The following SRPX variants were observed in gnomAD, a reference collection of about 807,000 sequenced individuals.
SRPX encodes the protein sushi repeat containing protein X-linked.
In SRPX, 24 loss-of-function variants were observed where a neutral mutation model predicts 38.1. The observed-to-expected ratio is 0.63, with a 90% CI of 0.46 to 0.89. The LOEUF is 0.89. Among genes scored for constraint, SRPX ranks in the 40% least tolerant of loss-of-function variants. The pLI, the probability that SRPX is intolerant of heterozygous loss-of-function variation, is 0.00. For missense variants in SRPX, 416 were observed against 377.8 expected, an observed-to-expected ratio of 1.10 and a Z score of -0.84; for synonymous variants, 184 against 153.8, an observed-to-expected ratio of 1.20 and a Z score of -1.45.
intron 9 of SRPX, among the ~76,000 whole-genome samples, chrX:38,152,691 AC>A (rs1376305328): frequency 1.8e-5 from 2 of 112,569 alleles, no homozygotes; most frequent in African/African-American, 6.5e-5. Flanking sequence ...TTTTTTAATC[AC>A]ATTTTTCTGT....
In SRPX at chrX:38,220,722, CGCA is replaced by C. The variant is rs35523939; in HGVS notation, c.68_70del (p.Leu23del). The C allele has an allele frequency of 0.27, 294,731 of 1,094,581 alleles. 27,385 individuals carry two copies. Among genetic ancestry groups the C allele is most frequent in the Non-Finnish European group, 0.29 (243,724 of 829,592 alleles). 90.2% of individuals were successfully genotyped at this position (1,094,581 alleles called of 1,213,427 possible). A position where few individuals can be genotyped will look rare whatever the true frequency, so the allele number is the denominator to read the frequency against. On this transcript the variant is annotated inframe_deletion, in exon 1 of 10. Transcript: ENST00000378533. ...TGGGAAGCTGCGGCTGGGCGGGACGCGCAGCAGCAGCAGCAGCAGCAGAGGCGG... is the reference window on the plus strand; with the variant it reads ...TGGGAAGCTGCGGCTGGGCGGGACGCGCAGCAGCAGCAGCAGCAGAGGCGG...
rs768376454 is a variant in SRPX at position 38,164,764 on chromosome X, C to T, written c.653+5G>A. The T allele has an allele frequency of 8.3e-7, 1 of 1,209,197 alleles. No homozygotes were observed. The highest frequency in any genetic ancestry group is 1.1e-6 in the Non-Finnish European group (1 of 894,660). Reference sequence around the variant, plus strand: ...GCATCATTTTATCTGCCAAGTTTCACTTACTCAGTAAGAATTCCATCTGCT... The same window carrying T: ...GCATCATTTTATCTGCCAAGTTTCATTTACTCAGTAAGAATTCCATCTGCT... On this transcript the variant is annotated splice_donor_5th_base_variant and intron_variant, in intron 5 of 9. Coordinates refer to ENST00000378533, the MANE Select transcript of SRPX (RefSeq NM_006307.5).
intron 1 of SRPX, among the ~76,000 whole-genome samples, chrX:38,211,184 G>C (rs762327057): frequency 1.8e-5 from 2 of 111,845 alleles, no homozygotes; most frequent in African/African-American, 3.2e-5. Context: ...TTATTCTTTT[G>C]ATTTTTTTTC....
chrX:38,178,358 G>T lies in SRPX; in HGVS notation c.98-14C>A. The T allele has an allele frequency of 4.2e-6, 5 of 1,200,396 alleles. No individual in the cohort carries two copies. The highest frequency in any genetic ancestry group is 5.6e-6 in the Non-Finnish European group (5 of 886,440). ...AGTCTCCCGATCCTACAATAAAAAA[G>T]AACAGAAACTGCAGCAAGAAAAGCC... is the stretch of plus-strand genomic sequence containing the variant. On this transcript the variant is annotated splice_polypyrimidine_tract_variant and intron_variant, in intron 1 of 9. Coordinates refer to ENST00000378533, the MANE Select transcript of SRPX (RefSeq NM_006307.5).
Position 38,174,176 on chromosome X carries a change from G to C in SRPX, c.333C>G (p.Asp111Glu). The C allele has an allele frequency of 6.3e-6, 7 of 1,109,045 alleles. No individual in the cohort carries two copies. Among genetic ancestry groups the C allele is most frequent in the Non-Finnish European group, 8.3e-6 (7 of 843,889 alleles). 91.4% of individuals were successfully genotyped at this position (1,109,045 alleles called of 1,213,427 possible). Reference sequence around the variant, plus strand: ...CCTACTCACGTTTGCAGATGACCTTGTCAGACCATCGTTTGTTTGACTGGC... The same window carrying C: ...CCTACTCACGTTTGCAGATGACCTTCTCAGACCATCGTTTGTTTGACTGGC... ...LICQSNKRWS[D>E]KVICKQKRCP... The change falls in exon 3 of 10, where the codon GAC becomes GAG. Residue 111 changes from aspartate (D) to glutamate (E), a missense_variant. Asp to Glu is a conservative substitution (Grantham distance 45, BLOSUM62 2). Transcript: ENST00000378533.
intron 1 of SRPX, among the ~76,000 whole-genome samples, chrX:38,183,826 G>T (rs144477210): frequency 0.011 from 1,248 of 111,824 alleles, 9 homozygotes; most frequent in Middle Eastern, 0.028. Context: ...ATTGTACGTT[G>T]GCTCAGAAAT....
chrX:38,167,318 T>C (rs1431789731), intron 4 of SRPX, among the ~76,000 whole-genome samples: 1 of 111,547 alleles, frequency 9.0e-6, no homozygotes, highest in Non-Finnish European at 1.9e-5. Flanking sequence ...TTTGCACACA[T>C]ACTGTTTTGT....
intron 1 of SRPX, among the ~76,000 whole-genome samples, chrX:38,211,127 C>T (rs1695003905): frequency 8.9e-6 from 1 of 112,567 alleles, no homozygotes; most frequent in Admixed American, 9.4e-5. Flanking sequence ...GTTCCAATAA[C>T]ATCAAAATTT....
Position 38,155,765 on chromosome X carries a change from A to G in SRPX, c.1089+1131T>C, listed in dbSNP as rs188046157. Among the ~76,000 whole-genome samples, 359 of 112,224 alleles carry G rather than the reference A, an allele frequency of 3.2e-3. 2 individuals are homozygous for G. The highest frequency in any genetic ancestry group is 5.6e-3 in the Non-Finnish European group (296 of 53,248). On this transcript the variant is annotated intron_variant, in intron 8 of 9. Transcript: ENST00000378533. Reference sequence around the variant, plus strand: ...GCATGATCATGGAATATAGCCTGCAATGCCAGTTTCCCACAAAAGACAGAG... The same window carrying G: ...GCATGATCATGGAATATAGCCTGCAGTGCCAGTTTCCCACAAAAGACAGAG...
intron 1 of SRPX, among the ~76,000 whole-genome samples, chrX:38,211,592 C>T (rs1047987150): frequency 1.8e-5 from 2 of 110,430 alleles, no homozygotes; most frequent in Non-Finnish European, 3.8e-5. Context: ...CCCAGCTACT[C>T]GGGAGGCTGA....
chrX:38,210,184 T>C (rs939648918), intron 1 of SRPX, among the ~76,000 whole-genome samples: 1 of 112,143 alleles, frequency 8.9e-6, no homozygotes, highest in Non-Finnish European at 1.9e-5. Flanking sequence ...CATACCCAGC[T>C]TGTGATTCAG....
intron 1 of SRPX, among the ~76,000 whole-genome samples, chrX:38,181,460 C>T (rs1448864369): frequency 8.9e-6 from 1 of 112,087 alleles, no homozygotes; most frequent in East Asian, 2.8e-4. Context: ...GTTGTGCATG[C>T]AGAAAATAGG....
chrX:38,181,727 A>G (rs1481369939), intron 1 of SRPX, among the ~76,000 whole-genome samples: 2 of 111,939 alleles, frequency 1.8e-5, no homozygotes, highest in Non-Finnish European at 3.8e-5. Context: ...CATTTTTTGC[A>G]TAAAATACCT....
At chrX:38,151,434 G>A (rs1938012062) in intron 9 of SRPX, among the ~76,000 whole-genome samples, 1 of 111,924 alleles carries the variant, frequency 8.9e-6, no homozygotes, top group African/African-American at 3.2e-5. Context: ...TGTGGTGGCT[G>A]AAGCCTGTGG....
At chrX:38,216,826 T>C (rs781547673) in intron 1 of SRPX, among the ~76,000 whole-genome samples, 2 of 112,379 alleles carry the variant, frequency 1.8e-5, no homozygotes, top group Non-Finnish European at 3.8e-5. Context: ...TTCAACCACT[T>C]GGGAAAGGCA....
intron 4 of SRPX, among the ~76,000 whole-genome samples, chrX:38,170,973 A>G (rs1196009115): frequency 9.0e-6 from 1 of 111,653 alleles, no homozygotes; most frequent in Non-Finnish European, 1.9e-5. Context: ...CCCTGTGGGC[A>G]GTGTTACTGG....
chrX:38,189,480 C>T (rs778098200), intron 1 of SRPX, among the ~76,000 whole-genome samples: 10 of 111,872 alleles, frequency 8.9e-5, no homozygotes, highest in African/African-American at 2.9e-4. Context: ...CTCTTTGACA[C>T]TTTGTTTATG....
At chrX:38,150,574 A>G (rs976903228) in intron 9 of SRPX, among the ~76,000 whole-genome samples, 1 of 112,246 alleles carries the variant, frequency 8.9e-6, no homozygotes, top group African/African-American at 3.2e-5. Context: ...ATCTGTTCCC[A>G]CATAGCAATA....
At chrX:38,160,908 C>A (rs745381820) in intron 6 of SRPX, 25 bp downstream of exon 6, 1 of 1,201,575 alleles carries the variant, frequency 8.3e-7, no homozygotes, top group Non-Finnish European at 1.1e-6. Context: ...GAGGGGGAAA[C>A]AAAACCAATA....
Sources: allele counts gnomAD v4.1 joint callset (sites outside exome capture counted in the v4.1 genomes callset), GRCh38; gene constraint gnomAD v4.1.1; transcripts MANE v1.5; gene names NCBI Gene and HGNC (gene_info 2026-07-23, HGNC 2026-07-21).